The following SKP1 variants were observed in gnomAD, a reference collection of about 807,000 sequenced individuals.
SKP1 encodes the protein S-phase kinase-associated protein 1.
A neutral mutation model predicts 21.5 loss-of-function variants in SKP1; 1 was observed. That is an observed-to-expected ratio of 0.05 (90% CI 0.02 to 0.22). The LOEUF (loss-of-function observed/expected upper bound fraction) is 0.22, where lower values mean the gene tolerates loss of function less well. Ranked by LOEUF, SKP1 falls within the 10% of genes least tolerant of loss-of-function variation. The pLI is 1.00. For synonymous variants in SKP1, 59 were observed against 59.3 expected (o/e 0.99, Z 0.03); for missense variants, 70 against 192.0 (o/e 0.36, Z 3.76).
chr5:134,167,116 TCAA>T, intron 3 of SKP1, 51 bp downstream of exon 3: 1 of 834,052 alleles, frequency 1.2e-6, no homozygotes, highest in Non-Finnish European at 2.0e-6. Flanking sequence ...CTTGTATTAA[TCAA>T]TTGGTGTTAT....
rs557953079 is a variant in SKP1 at position 134,149,246 on chromosome 5, T to C, written c.*8487A>G. ...TCATCCCCCTTTCATCTCCCACCTT[T>C]TGAAGTCTCCAATGTCTATTATTCC... On this transcript the variant is annotated 3_prime_UTR_variant, in exon 6 of 6. Transcript: ENST00000353411. 2.0e-5 allele frequency: 3 copies of C among 152,360 alleles called. No individual in the cohort carries two copies. Among genetic ancestry groups the C allele is most frequent in the South Asian group, 2.1e-4 (1 of 4,828 alleles). The allele number at this position is 152,360 out of a possible 1,614,324, so 9.4% of individuals were successfully genotyped here.
At chr5:134,172,006 T>G (rs1317682732) in intron 2 of SKP1, among the ~76,000 whole-genome samples, 1 of 152,196 alleles carries the variant, frequency 6.6e-6, no homozygotes, top group African/African-American at 2.4e-5. Context: ...ATTGTACCAC[T>G]GCACACCAGG....
chr5:134,163,998 T>C (rs1391710559), intron 3 of SKP1, among the ~76,000 whole-genome samples: 1 of 152,072 alleles, frequency 6.6e-6, no homozygotes, highest in African/African-American at 2.4e-5. Context: ...CAGAATTCTT[T>C]TCCCCCAAAT....
At chr5:134,174,996 C>G (rs943626495) in intron 1 of SKP1, 2 of 152,186 alleles carry the variant, frequency 1.3e-5, no homozygotes, top group African/African-American at 4.8e-5. Flanking sequence ...CCATGCTTCT[C>G]AAGTATTCAT....
chr5:134,173,577 T>C, intron 2 of SKP1: 1 of 383,836 alleles, frequency 2.6e-6, no homozygotes, highest in East Asian at 6.9e-5. Context: ...CAGCCACCAT[T>C]ATAGGACGGT....
At chr5:134,164,195 G>A (rs865873037) in intron 3 of SKP1, among the ~76,000 whole-genome samples, 6 of 151,802 alleles carry the variant, frequency 4.0e-5, no homozygotes, top group Admixed American at 2.6e-4. Context: ...GGTGGCGCGC[G>A]CCTGTAATCC....
chr5:134,167,386 ATTGGG>A, intron 2 of SKP1, 143 bp from the exon 3 acceptor site: 4 of 623,946 alleles, frequency 6.4e-6, no homozygotes, highest in Admixed American at 3.0e-5. Context: ...GATTAAACAT[ATTGGG>A]AAAAAAAATG....
At chr5:134,167,343 T>G in intron 2 of SKP1, 100 bp from the exon 3 acceptor site, 2 of 761,826 alleles carry the variant, frequency 2.6e-6, no homozygotes, top group South Asian at 3.1e-5. Context: ...CCCATATCCA[T>G]GAGTTCTACA....
intron 2 of SKP1, among the ~76,000 whole-genome samples, chr5:134,171,986 G>T (rs560038164): frequency 4.2e-4 from 64 of 152,344 alleles, no homozygotes; most frequent in Admixed American, 9.1e-4. Flanking sequence ...AGAGGTGGCA[G>T]TGAGCTGAGA....
At position 134,157,533 on chromosome 5, in the gene SKP1, C is replaced by T. The variant is rs537860424; in HGVS notation, c.*200G>A. ...CAGAGCAAAGAAAAAAGAAACTTTC[C>T]ATCATACTAGAAGAAACTTGGCCGT... is the stretch of plus-strand genomic sequence containing the variant. On this transcript the variant is annotated 3_prime_UTR_variant, in exon 6 of 6. Coordinates refer to ENST00000353411, the MANE Select transcript of SKP1 (RefSeq NM_170679.3). 54 of 551,160 alleles carry T rather than the reference C, an allele frequency of 9.8e-5. No individual in the cohort carries two copies. In the East Asian group the frequency reaches 1.6e-3, roughly 16 times the overall value. The allele number at this position is 551,160 out of a possible 1,614,324, so 34.1% of individuals were successfully genotyped here.
chr5:134,153,803 A>G lies in SKP1; in HGVS notation c.*3930T>C, dbSNP rs1448355385. On this transcript the variant is annotated 3_prime_UTR_variant, in exon 6 of 6. Coordinates refer to ENST00000353411, the MANE Select transcript of SKP1 (RefSeq NM_170679.3). ...AACTGAAAAATCAATGTGATTTGGA[A>G]TATCTGCCTGCCCTAAGTGAGATGC... 1 of 152,200 alleles carries G rather than the reference A, an allele frequency of 6.6e-6. No homozygotes were observed. The highest frequency in any genetic ancestry group is 2.4e-5 in the African/African-American group (1 of 41,444). 9.4% of individuals were successfully genotyped at this position (152,200 alleles called of 1,614,324 possible). A position where few individuals can be genotyped will look rare whatever the true frequency, so the allele number is the denominator to read the frequency against.
intron 1 of SKP1, chr5:134,174,449 C>T (rs1368894035): frequency 1.0e-6 from 1 of 991,432 alleles, no homozygotes; most frequent in Non-Finnish European, 1.2e-6. Flanking sequence ...ATTTTCCCCA[C>T]AGTGAGTCCT....
At chr5:134,172,336 T>C (rs1054762287) in intron 2 of SKP1, among the ~76,000 whole-genome samples, 1 of 152,238 alleles carries the variant, frequency 6.6e-6, no homozygotes, top group Non-Finnish European at 1.5e-5. Flanking sequence ...CTACTGATCT[T>C]TCCCTACATA....
At chr5:134,170,379 C>A (rs551244203) in intron 2 of SKP1, among the ~76,000 whole-genome samples, 1 of 152,282 alleles carries the variant, frequency 6.6e-6, no homozygotes, top group East Asian at 1.9e-4. Context: ...CAAGTAGCAA[C>A]AGTCATTCCT....
In SKP1 at chr5:134,157,984, G is replaced by C. The variant is rs143049667; in HGVS notation, c.457-216C>G. ...TGCTGAAATTATGAACAAAGCAAAG[G>C]CAATGGGCAATTTACTAAAGTTGAC... On this transcript the variant is annotated intron_variant, in intron 5 of 5. Coordinates refer to ENST00000353411, the MANE Select transcript of SKP1 (RefSeq NM_170679.3). 3.6e-4 allele frequency: 540 copies of C among 1,510,720 alleles called. 4 individuals carry two copies. In the African/African-American group the frequency reaches 6.4e-3, roughly 18 times the overall value. The allele number at this position is 1,510,720 out of a possible 1,614,324, so 93.6% of individuals were successfully genotyped here.
intron 2 of SKP1, among the ~76,000 whole-genome samples, chr5:134,171,670 C>G (rs548938273): frequency 6.6e-6 from 1 of 152,172 alleles, no homozygotes; most frequent in African/African-American, 2.4e-5. Flanking sequence ...AACTAAAAAC[C>G]GTATTTTCAC....
rs1351692633 is a variant in SKP1 at position 134,150,441 on chromosome 5, G to A, written c.*7292C>T. The A allele has an allele frequency of 6.6e-6, 1 of 152,176 alleles. No individual in the cohort carries two copies. The highest frequency in any genetic ancestry group is 2.4e-5 in the African/African-American group (1 of 41,434). 9.4% of individuals were successfully genotyped at this position (152,176 alleles called of 1,614,324 possible). A position where few individuals can be genotyped will look rare whatever the true frequency, so the allele number is the denominator to read the frequency against. On this transcript the variant is annotated 3_prime_UTR_variant, in exon 6 of 6. Coordinates refer to ENST00000353411, the MANE Select transcript of SKP1 (RefSeq NM_170679.3). Reference sequence around the variant, plus strand: ...AGAAAGGGAATCAGTTCCTGCATCCGTTTCTCAGAAAACAGCACAGAACAG... The same window carrying A: ...AGAAAGGGAATCAGTTCCTGCATCCATTTCTCAGAAAACAGCACAGAACAG...
chr5:134,160,408 G>A (rs1761198839), intron 4 of SKP1, among the ~76,000 whole-genome samples: 1 of 151,728 alleles, frequency 6.6e-6, no homozygotes, highest in Non-Finnish European at 1.5e-5. Flanking sequence ...AGACAATTTG[G>A]TCAATAGTGT....
rs1408022777 is a variant in SKP1, at chr5:134,150,771, G to C, written c.*6962C>G. The stretch of plus-strand genomic sequence containing the variant: ...TTCCAAATCTCAAATCACCCTATGG[G>C]CATCTTTCAAATTCTGACTCCTGAG... On this transcript the variant is annotated 3_prime_UTR_variant, in exon 6 of 6. Transcript: ENST00000353411. 1 of 152,064 alleles carries C rather than the reference G, an allele frequency of 6.6e-6. No individual in the cohort carries two copies. The highest frequency in any genetic ancestry group is 1.9e-4 in the East Asian group (1 of 5,188). 9.4% of individuals were successfully genotyped at this position (152,064 alleles called of 1,614,324 possible).
Sources: allele counts gnomAD v4.1 joint callset (sites outside exome capture counted in the v4.1 genomes callset), GRCh38; gene constraint gnomAD v4.1.1; transcripts MANE v1.5; gene names NCBI Gene and HGNC (gene_info 2026-07-23, HGNC 2026-07-21).